Variants in KLK5 observed in about 807,000 individuals in gnomAD.
The protein encoded by KLK5 is kallikrein-5.
Under a neutral mutation model 24.0 loss-of-function variants are expected in KLK5, and 18 were observed. That is an observed-to-expected ratio of 0.75 (90% CI 0.52 to 1.11). The LOEUF (loss-of-function observed/expected upper bound fraction) is 1.11. Among genes scored for constraint, KLK5 ranks in the 50% most tolerant of loss-of-function variants. The pLI is 0.00. For missense variants in KLK5, 374 were observed against 379.2 expected, an observed-to-expected ratio of 0.99 and a Z score of 0.11; for synonymous variants, 140 against 154.0, an observed-to-expected ratio of 0.91 and a Z score of 0.67.
rs1255988062 is a variant in KLK5, at chr19:50,943,629, A to T, written c.*2T>A. The T allele has an allele frequency of 6.2e-7, 1 of 1,613,196 alleles. No individual in the cohort carries two copies. The highest frequency in any genetic ancestry group is 2.2e-5 in the East Asian group (1 of 44,830). On this transcript the variant is annotated 3_prime_UTR_variant, in exon 6 of 6. Transcript: ENST00000336334. ...TGCCGGTGTGCTGAGTCCTGGGATG[A>T]CTCAGGAGTTGGCCTGGATGGTTTC... is the stretch of plus-strand genomic sequence containing the variant.
At position 50,947,757 on chromosome 19, in the gene KLK5, G is replaced by A. The variant is rs372941632; in HGVS notation, c.726+883C>T. 1.5e-4 allele frequency among the ~76,000 whole-genome samples: 23 copies of A among 152,174 alleles called. 1 individual carries two copies. The East Asian group carries it at 1.7e-3, about 11-fold the overall frequency. ...GAAACAAGACACTTAACTACCACAC[G>A]CCTGAAAACTGCCAAAACTGACATC... On this transcript the variant is annotated intron_variant, in intron 5 of 5. Coordinates refer to ENST00000336334, the MANE Select transcript of KLK5 (RefSeq NM_012427.5). This position sits in a 1 kb window ranked among gnomAD's most constrained non-coding sequence, Gnocchi z 8.7.
chr19:50,950,321 A>G, intron 2 of KLK5: 1 of 598,886 alleles, frequency 1.7e-6, no homozygotes, highest in Non-Finnish European at 3.0e-6. Context: ...GGGTTACTGG[A>G]CTCTAACTGG....
intron 5 of KLK5, among the ~76,000 whole-genome samples, chr19:50,944,394 G>T (rs2090613479): frequency 6.6e-6 from 1 of 152,098 alleles, no homozygotes; most frequent in South Asian, 2.1e-4. Flanking sequence ...TTTCGGGGGG[G>T]TCTGTGACCC....
chr19:50,943,895 GACAC>G (rs1026296313), intron 5 of KLK5, 109 bp from the exon 6 acceptor site: 8 of 754,628 alleles, frequency 1.1e-5, no homozygotes, highest in Admixed American at 5.4e-5. Flanking sequence ...GATGGGAACA[GACAC>G]ACAGAGATGG....
Position 50,948,926 on chromosome 19 carries a change from GGA to G in KLK5, c.523_524del (p.Ser175LeufsTer27), listed in dbSNP as rs1315732410. The G allele has an allele frequency of 2.5e-6, 4 of 1,613,980 alleles. No individual in the cohort carries two copies. The highest frequency in any genetic ancestry group is 3.4e-6 in the Non-Finnish European group (4 of 1,180,036). Reference protein sequence around the residue: ...PTKDVRPINVSSHCPSAGTKC... With the variant: ...PTKDVRPINVXSHCPSAGTKC... ...TTGTCCCAGCAGAGGGACAATGAGA[GGA>G]GACGTTGATGGGTCTGACATCTTTA... On this transcript the variant is annotated frameshift_variant, in exon 4 of 6. Coordinates refer to ENST00000336334, the MANE Select transcript of KLK5 (RefSeq NM_012427.5). LOFTEE classifies it high-confidence loss of function.
rs1279192938 is a variant in KLK5 at position 50,950,892 on chromosome 19, A to AAT, written c.74-777_74-776insAT. The stretch of plus-strand genomic sequence containing the variant: ...GGGAGAGAGAGCAAGACTGTCTCCA[A>AAT]AAAAAAAAAAAAAAAAGCTCTGACT... On this transcript the variant is annotated intron_variant, in intron 2 of 5. Transcript: ENST00000336334. 1.6e-4 allele frequency among the ~76,000 whole-genome samples: 24 copies of AAT among 150,288 alleles called. No individual in the cohort carries two copies. The Middle Eastern group carries it at 9.5e-3, about 59-fold the overall frequency.
chr19:50,952,255 T>G (rs1283705672), intron 2 of KLK5, among the ~76,000 whole-genome samples: 1 of 106,948 alleles, frequency 9.4e-6, no homozygotes, highest in Non-Finnish European at 1.9e-5. Context: ...ACACCCCCAG[T>G]GCTACATGCA....
rs775097046 is a variant in KLK5 at position 50,949,931 on chromosome 19, T to G, written c.259A>C (p.Arg87=). 29 of 1,613,548 alleles carry G rather than the reference T, an allele frequency of 1.8e-5. No individual in the cohort carries two copies. The highest frequency in any genetic ancestry group is 1.9e-5 in the Non-Finnish European group (23 of 1,179,990). ...GCCCCGCAGTAGAGCTGGTTGGGCC[T>G]TAGCAACAGCGCGGCCTGCCACGGC... ...TQPWQAALLL[R]PNQLYCGAVL... is the part of the protein sequence containing the mutation. The change falls in exon 3 of 6, where the codon AGG becomes CGG. Residue 87 remains arginine, a synonymous_variant. Coordinates refer to ENST00000336334, the MANE Select transcript of KLK5 (RefSeq NM_012427.5).
rs574155993 is a variant in KLK5, at chr19:50,949,061, C to T, written c.390G>A (p.Gly130=). The T allele has an allele frequency of 6.2e-7, 1 of 1,613,694 alleles. No individual in the cohort carries two copies. Among genetic ancestry groups the T allele is most frequent in the South Asian group, 1.1e-5 (1 of 91,060 alleles). ...ATTTGACCCCCTGGAACATCTGCTG[C>T]CCAGATTCATAAACTGGTGACAGGG... ...HYSLSPVYES[G]QQMFQGVKSI... Residue 130 remains glycine (G), a synonymous_variant, in exon 4 of 6, where the codon GGG becomes GGA. Coordinates refer to ENST00000336334, the MANE Select transcript of KLK5 (RefSeq NM_012427.5).
chr19:50,944,813 T>C (rs1263704032), intron 5 of KLK5, among the ~76,000 whole-genome samples: 1 of 152,118 alleles, frequency 6.6e-6, no homozygotes, highest in African/African-American at 2.4e-5. Context: ...GCAGAATCAC[T>C]CCCAATAGAA....
At chr19:50,945,569 G>A (rs1193120328) in intron 5 of KLK5, among the ~76,000 whole-genome samples, 1 of 151,790 alleles carries the variant, frequency 6.6e-6, no homozygotes, top group African/African-American at 2.4e-5. Context: ...GAGGCAGGCA[G>A]ATCACTGGAG....
chr19:50,946,564 C>CT (rs200102637), intron 5 of KLK5, among the ~76,000 whole-genome samples: 499 of 124,386 alleles, frequency 4.0e-3, no homozygotes, highest in African/African-American at 9.4e-3. Flanking sequence ...CTTTTCTTTT[C>CT]TTTTTTTTTT....
intron 2 of KLK5, among the ~76,000 whole-genome samples, chr19:50,951,882 C>T (rs1273859243): frequency 6.6e-6 from 1 of 152,080 alleles, no homozygotes; most frequent in East Asian, 1.9e-4. Context: ...CACCTGGCAC[C>T]CATCTCCCAG....
intron 2 of KLK5, among the ~76,000 whole-genome samples, chr19:50,950,821 G>GGCAGAGGTT (rs1028990472): frequency 5.9e-4 from 87 of 147,622 alleles, no homozygotes; most frequent in African/African-American, 2.1e-3. Context: ...GAACCTGGGA[G>GGCAGAGGTT]GCAGAGGTTG....
intron 5 of KLK5, among the ~76,000 whole-genome samples, chr19:50,944,365 T>A (rs866689408): frequency 9.9e-5 from 15 of 152,136 alleles, no homozygotes; most frequent in African/African-American, 2.9e-4. Context: ...TCTTCCAGAT[T>A]CCTGTTGTCC....
intron 2 of KLK5, 76 bp downstream of exon 2, chr19:50,952,509 C>A: frequency 9.0e-7 from 1 of 1,105,016 alleles, no homozygotes; most frequent in South Asian, 1.6e-5. Flanking sequence ...CACAGTTCCC[C>A]AGGGGACAGG....
Position 50,949,086 on chromosome 19 carries a change from G to A in KLK5, c.365C>T (p.Ser122Phe), listed in dbSNP as rs2090661463. The A allele has an allele frequency of 6.2e-7, 1 of 1,613,278 alleles. No individual in the cohort carries two copies. Among genetic ancestry groups the A allele is most frequent in the Middle Eastern group, 1.7e-4 (1 of 5,862 alleles). ...KVFRVRLGHY[S>F]LSPVYESGQQ... ...CCCAGATTCATAAACTGGTGACAGG[G>A]AGTAGTGGCCGAGACGGACTCTGAA... Residue 122 changes from serine (S) to phenylalanine (F), a missense_variant, in exon 4 of 6, where the codon TCC (serine) becomes TTC (phenylalanine). By Grantham distance (155) the Ser-to-Phe change is radical. Coordinates refer to ENST00000336334, the MANE Select transcript of KLK5 (RefSeq NM_012427.5).
chr19:50,950,166 G>A (rs746300536), intron 2 of KLK5, 50 bp from the exon 3 acceptor site: 20 of 1,577,916 alleles, frequency 1.3e-5, no homozygotes, highest in Non-Finnish European at 1.7e-5. Context: ...GGCTTGGGCT[G>A]GGGGTGGGTT....
In KLK5 at chr19:50,948,690, C is replaced by T; in HGVS notation, c.676G>A (p.Asp226Asn). Residue 226 changes from aspartate (D) to asparagine (N), a missense_variant, in exon 5 of 6, where the codon GAT becomes AAT. Asp to Asn is a conservative substitution (Grantham distance 23). Coordinates refer to ENST00000336334, the MANE Select transcript of KLK5 (RefSeq NM_012427.5). ...RCEDAYPRQI[D>N]DTMFCAGDKA... is the part of the protein sequence containing the mutation. ...TCACCGGCGCAGAACATGGTGTCAT[C>T]TATCTGTCTCGGGTAAGCATCCTCG... 6.2e-7 allele frequency: 1 copy of T among 1,614,188 alleles called. No homozygotes were observed. Among genetic ancestry groups the T allele is most frequent in the Admixed American group, 1.7e-5 (1 of 60,016 alleles).
Sources: allele counts gnomAD v4.1 joint callset (sites outside exome capture counted in the v4.1 genomes callset), GRCh38; gene constraint gnomAD v4.1.1; non-coding constraint Gnocchi (gnomAD v3.1); transcripts MANE v1.5; gene names NCBI Gene and HGNC (gene_info 2026-07-23, HGNC 2026-07-21).